KIF13A: variants seen among roughly 807,000 people sequenced by gnomAD.
KIF13A encodes the protein kinesin-like protein KIF13A.
In KIF13A, 79 loss-of-function variants were observed where a neutral mutation model predicts 212.2. The ratio of observed to expected loss-of-function variants is 0.37; its 90% CI spans 0.31 to 0.45. KIF13A has a LOEUF of 0.45. KIF13A is among the 20% of genes least tolerant of loss of function. The pLI is 1.00. For synonymous variants in KIF13A, 789 were observed against 808.6 expected (o/e 0.98, Z 0.41); for missense variants, 1,901 against 2,209.0 (o/e 0.86, Z 2.79).
chr6:17,851,053 TG>T (rs1301801927), intron 7 of KIF13A, among the ~76,000 whole-genome samples: 3 of 152,224 alleles, frequency 2.0e-5, no homozygotes, highest in African/African-American at 7.2e-5. Flanking sequence ...TAGAGCACCC[TG>T]GCTCCTACTA....
chr6:17,955,931 G>T (rs1778319929), intron 2 of KIF13A, among the ~76,000 whole-genome samples: 1 of 152,174 alleles, frequency 6.6e-6, no homozygotes, highest in Admixed American at 6.5e-5. Flanking sequence ...GACACTAATA[G>T]TGACTGTTAT....
chr6:17,852,077 C>T, intron 6 of KIF13A, 35 bp from the exon 7 acceptor site: 2 of 1,151,548 alleles, frequency 1.7e-6, no homozygotes, highest in Non-Finnish European at 2.4e-6. Flanking sequence ...AAATGAATCA[C>T]ACCAAAGCTG....
At position 17,828,605 on chromosome 6, in the gene KIF13A, ATTGTTT is replaced by A. The variant is rs967032124; in HGVS notation, c.1402-241_1402-236del. On this transcript the variant is annotated intron_variant, in intron 13 of 38. Transcript: ENST00000259711. This position sits in a 1 kb window ranked among gnomAD's most constrained non-coding sequence, Gnocchi z 4.3. ...AATCCCCAATCAACAATGATTAGTT[ATTGTTT>A]TTAACACAGGAAATTGGACTTGACA... Among the ~76,000 whole-genome samples the A allele has an allele frequency of 6.6e-6, 1 of 152,222 alleles. No individual in the cohort carries two copies. Among genetic ancestry groups the A allele is most frequent in the Non-Finnish European group, 1.5e-5 (1 of 68,032 alleles).
At chr6:17,966,743 T>A (rs1779353762) in intron 2 of KIF13A, among the ~76,000 whole-genome samples, 1 of 152,212 alleles carries the variant, frequency 6.6e-6, no homozygotes, top group African/African-American at 2.4e-5. Flanking sequence ...TCTCACTACT[T>A]CAGCTTCATC....
At position 17,850,545 on chromosome 6, in the gene KIF13A, T is replaced by C; in HGVS notation, c.583-88A>G. 7.6e-7 allele frequency: 1 copy of C among 1,318,078 alleles called. No individual in the cohort carries two copies. 81.6% of individuals were successfully genotyped at this position (1,318,078 alleles called of 1,614,324 possible). On this transcript the variant is annotated intron_variant, in intron 7 of 38. Coordinates refer to ENST00000259711, the MANE Select transcript of KIF13A (RefSeq NM_022113.6). This position sits in a 1 kb window ranked among gnomAD's most constrained non-coding sequence, Gnocchi z 6.2. ...AGGTATATGTATTAATTATGATTCCTCTGATGCCTTTGTCACCACCCTTCC... is the reference window on the plus strand; with the variant it reads ...AGGTATATGTATTAATTATGATTCCCCTGATGCCTTTGTCACCACCCTTCC...
At chr6:17,763,666 A>T (rs984249175), downstream of KIF13A, 1 of 196,744 alleles carries the variant, frequency 5.1e-6, no homozygotes, top group Non-Finnish European at 9.6e-6. Context: ...ACACTTTACC[A>T]TCTCTGAAAT....
rs1761903560 is a variant in KIF13A at position 17,794,938 on chromosome 6, T to C, written c.2943-234A>G. The C allele has an allele frequency of 8.6e-6, 4 of 467,382 alleles. No homozygotes were observed. The highest frequency in any genetic ancestry group is 3.9e-5 in the Admixed American group (1 of 25,420). 29.0% of individuals were successfully genotyped at this position (467,382 alleles called of 1,614,324 possible). On this transcript the variant is annotated intron_variant, in intron 23 of 38. Transcript: ENST00000259711. The surrounding 1 kb of genome is among the most constrained non-coding windows in gnomAD (Gnocchi z 4.1). ...ATCTTGAGTATAGAGCTCGATGAGT[T>C]TTGAGAAATGCACATATGAGTGTAA...
intron 12 of KIF13A, 82 bp from the exon 13 acceptor site, chr6:17,831,317 T>C (rs1325311430): frequency 1.6e-5 from 24 of 1,489,912 alleles, no homozygotes; most frequent in Non-Finnish European, 2.0e-5. Context: ...AGTAAGTCAC[T>C]GTTTCTGGGG....
At chr6:17,801,424 C>T (rs893179176) in intron 20 of KIF13A, among the ~76,000 whole-genome samples, 5 of 152,144 alleles carry the variant, frequency 3.3e-5, no homozygotes, top group African/African-American at 9.7e-5. Flanking sequence ...ACTGCTTGAA[C>T]CCGCGAGGCG....
intron 2 of KIF13A, among the ~76,000 whole-genome samples, chr6:17,949,617 A>AT (rs556493408): frequency 1.4e-4 from 21 of 152,124 alleles, no homozygotes; most frequent in Non-Finnish European, 2.9e-4. Flanking sequence ...CCAGTTCTTA[A>AT]TTTTCTAGAG....
At chr6:17,983,494 CT>C (rs747300594) in intron 2 of KIF13A, among the ~76,000 whole-genome samples, 116 of 127,346 alleles carry the variant, frequency 9.1e-4, no homozygotes, top group Non-Finnish European at 1.2e-3. Flanking sequence ...GCTGCTGCTG[CT>C]TTTTTTTTTT....
intron 2 of KIF13A, among the ~76,000 whole-genome samples, chr6:17,933,277 T>C (rs1183168356): frequency 2.6e-5 from 4 of 152,044 alleles, no homozygotes; most frequent in Non-Finnish European, 5.9e-5. Flanking sequence ...CAAGAAAGAG[T>C]GCATACCAAC....
intron 38 of KIF13A, chr6:17,770,360 G>GTTTTTTTTTTT (rs1486324465): frequency 4.7e-4 from 28 of 59,148 alleles, no homozygotes; most frequent in Admixed American, 6.2e-4. Context: ...GAATAAACAG[G>GTTTTTTTTTTT]ATTTTTTTTT....
intron 2 of KIF13A, among the ~76,000 whole-genome samples, chr6:17,908,757 C>A (rs1191138304): frequency 6.6e-6 from 1 of 151,650 alleles, no homozygotes; most frequent in African/African-American, 2.4e-5. Context: ...AGAAAAACAA[C>A]TAATTTTGTA....
intron 2 of KIF13A, among the ~76,000 whole-genome samples, chr6:17,953,212 T>TA (rs1251781694): frequency 2.6e-5 from 4 of 152,102 alleles, no homozygotes; most frequent in Non-Finnish European, 5.9e-5. Context: ...TCTGTTAAGT[T>TA]AAAAAAGCAG....
At chr6:17,823,952 G>C (rs1028505268) in intron 16 of KIF13A, among the ~76,000 whole-genome samples, 6 of 139,100 alleles carry the variant, frequency 4.3e-5, no homozygotes, top group Admixed American at 7.7e-5. Context: ...TCATTCTGTC[G>C]CCCAGGCTGG....
chr6:17,862,658 C>A (rs1057348607), intron 4 of KIF13A, among the ~76,000 whole-genome samples: 1 of 151,934 alleles, frequency 6.6e-6, no homozygotes, highest in Non-Finnish European at 1.5e-5. Flanking sequence ...AAAAAATTAG[C>A]CAGGTATGAG....
Position 17,900,070 on chromosome 6 carries a change from A to C in KIF13A, c.147-1890T>G, listed in dbSNP as rs1581676155. Among the ~76,000 whole-genome samples, 1 of 152,252 alleles carries C rather than the reference A, an allele frequency of 6.6e-6. No individual in the cohort carries two copies. Among genetic ancestry groups the C allele is most frequent in the East Asian group, 1.9e-4 (1 of 5,200 alleles). On this transcript the variant is annotated intron_variant, in intron 2 of 38. Coordinates refer to ENST00000259711, the MANE Select transcript of KIF13A (RefSeq NM_022113.6). This position sits in a 1 kb window ranked among gnomAD's most constrained non-coding sequence, Gnocchi z 4.6. ...TGCTTTATTTAAAAGAGGAAAGAAAAGTCACTTGGGTTACAATAAGGCCAT... is the reference window on the plus strand; with the variant it reads ...TGCTTTATTTAAAAGAGGAAAGAAACGTCACTTGGGTTACAATAAGGCCAT...
At chr6:17,873,221 C>G (rs994501702) in intron 4 of KIF13A, 156 bp downstream of exon 4, 4 of 540,786 alleles carry the variant, frequency 7.4e-6, no homozygotes, top group Admixed American at 7.5e-5. Flanking sequence ...ATTCTGAAAC[C>G]AAATCTTATT....
Sources: gnomAD v4.1 joint callset for allele counts (sites outside exome capture counted in the v4.1 genomes callset) on GRCh38, gnomAD v4.1.1 for gene constraint, Gnocchi (gnomAD v3.1) non-coding constraint, MANE v1.5 for transcripts, NCBI Gene and HGNC (gene_info 2026-07-23, HGNC 2026-07-21) for gene names.